ZNF541: variants seen among roughly 807,000 people sequenced by gnomAD.
The protein encoded by ZNF541 is zinc finger protein 541.
ZNF541 carries 23 observed loss-of-function variants against 123.5 expected under a neutral mutation model. The ratio of observed to expected loss-of-function variants is 0.19; its 90% CI spans 0.13 to 0.26. The LOEUF (loss-of-function observed/expected upper bound fraction) is 0.26, where lower values mean the gene tolerates loss of function less well. ZNF541 is among the 10% of genes least tolerant of loss of function. The pLI is 1.00. For synonymous variants in ZNF541, 751 were observed against 754.5 expected (o/e 1.00, Z 0.08); for missense variants, 1,612 against 1,789.9 (o/e 0.90, Z 1.79).
intron 2 of ZNF541, among the ~76,000 whole-genome samples, chr19:47,565,167 GA>G (rs1971215284): frequency 6.6e-6 from 1 of 151,784 alleles, no homozygotes; most frequent in Non-Finnish European, 1.5e-5. Context: ...GAAAGGGTGG[GA>G]GGGGATGAGG....
chr19:47,539,966 A>G (rs1480921129), intron 7 of ZNF541, 88 bp from the exon 8 acceptor site: 1 of 1,493,676 alleles, frequency 6.7e-7, no homozygotes, highest in African/African-American at 1.4e-5. Context: ...GCTGTCATAG[A>G]AAACAGCAGT....
In ZNF541 at chr19:47,539,748, A is replaced by T; in HGVS notation, c.2753T>A (p.Ile918Asn). ...GTGTCGGGTCACTGGAACCACGGGG[A>T]TCGATTGGGGGACCACCAAAGGGGC... ...AAAPLVVPQS[I>N]PVVPVTRHIG... Residue 918 changes from isoleucine (I) to asparagine (N), a missense_variant, in exon 8 of 17, where the codon ATC becomes AAC. Ile to Asn is a moderately radical substitution (Grantham distance 149, BLOSUM62 -3). Coordinates refer to ENST00000391901, the MANE Select transcript of ZNF541 (RefSeq NM_001277075.3). 1.4e-6 allele frequency: 2 copies of T among 1,457,802 alleles called. No individual in the cohort carries two copies. Among genetic ancestry groups the T allele is most frequent in the Non-Finnish European group, 1.8e-6 (2 of 1,110,778 alleles). The allele number at this position is 1,457,802 out of a possible 1,614,324, so 90.3% of individuals were successfully genotyped here. A position where few individuals can be genotyped will look rare whatever the true frequency, so the allele number is the denominator to read the frequency against.
intron 14 of ZNF541, among the ~76,000 whole-genome samples, chr19:47,524,465 G>T (rs1969190878): frequency 6.6e-6 from 1 of 152,158 alleles, no homozygotes. Flanking sequence ...CAGCACTTTG[G>T]GAGGCCGAGG....
chr19:47,535,586 AC>A (rs1969778105), intron 9 of ZNF541, among the ~76,000 whole-genome samples: 1 of 152,188 alleles, frequency 6.6e-6, no homozygotes, highest in Non-Finnish European at 1.5e-5. Flanking sequence ...ACCCAGCACT[AC>A]ACTCCTAGTT....
In ZNF541 at chr19:47,544,723, T is replaced by C. The variant is rs530077394; in HGVS notation, c.1806A>G (p.Pro602=). 2.8e-4 allele frequency: 416 copies of C among 1,502,036 alleles called. 5 individuals are homozygous for C. The South Asian group carries it at 4.7e-3, about 17-fold the overall frequency. 93.0% of individuals were successfully genotyped at this position (1,502,036 alleles called of 1,614,324 possible). A position where few individuals can be genotyped will look rare whatever the true frequency, so the allele number is the denominator to read the frequency against. Residue 602 remains proline (P), a synonymous_variant, in exon 5 of 17, where the codon CCA becomes CCG. Coordinates refer to ENST00000391901, the MANE Select transcript of ZNF541 (RefSeq NM_001277075.3). ...PLQGPWPQQP[P]PLAPAVDSLH... ...GAGAGTCCACAGCAGGAGCCAGTGG[T>C]GGGGGCTGCTGCGGCCACGGCCCCT...
chr19:47,552,229 G>C (rs181309102), intron 3 of ZNF541, among the ~76,000 whole-genome samples: 30 of 152,250 alleles, frequency 2.0e-4, no homozygotes, highest in African/African-American at 7.0e-4. Context: ...AATTCAATGG[G>C]CCAGGGCATG....
Position 47,532,989 on chromosome 19 carries a change from GA to G in ZNF541, c.3095-18del. On this transcript the variant is annotated intron_variant, in intron 9 of 16. Transcript: ENST00000391901. ...CCACTTGATCTAGAAAGCACAGAGT[GA>G]AAAGGCTCAAGAAGACAGACAGCAG... The G allele has an allele frequency of 6.5e-7, 1 of 1,545,306 alleles. No individual in the cohort carries two copies. The highest frequency in any genetic ancestry group is 1.2e-5 in the South Asian group (1 of 83,338).
chr19:47,535,439 T>C lies in ZNF541; in HGVS notation c.3095-2467A>G, dbSNP rs189728721. On this transcript the variant is annotated intron_variant, in intron 9 of 16. Transcript: ENST00000391901. ...ACTAGGATGGTTATACTTAAAAAGA[T>C]AGACAATAACAAGTGTTGACAAGAA... Among the ~76,000 whole-genome samples the C allele has an allele frequency of 7.0e-4, 107 of 152,336 alleles. 1 individual carries two copies. The highest frequency in any genetic ancestry group is 2.3e-3 in the African/African-American group (97 of 41,570).
In ZNF541 at chr19:47,539,647, G is replaced by A. The variant is rs151070862; in HGVS notation, c.2796+58C>T. 2,507 of 1,371,358 alleles carry A rather than the reference G, an allele frequency of 1.8e-3. 29 individuals are homozygous for A. The African/African-American group carries it at 0.024, about 13-fold the overall frequency. The allele number at this position is 1,371,358 out of a possible 1,614,324, so 84.9% of individuals were successfully genotyped here. Reference sequence around the variant, plus strand: ...GGTATCTGGTTTGGGTTTTTCCTACGGCTTCCCCCAGCAGCTGCGGGCAGT... The same window carrying A: ...GGTATCTGGTTTGGGTTTTTCCTACAGCTTCCCCCAGCAGCTGCGGGCAGT... On this transcript the variant is annotated intron_variant, in intron 8 of 16. Coordinates refer to ENST00000391901, the MANE Select transcript of ZNF541 (RefSeq NM_001277075.3).
intron 2 of ZNF541, among the ~76,000 whole-genome samples, chr19:47,563,814 C>T (rs1293231140): frequency 6.6e-6 from 1 of 152,070 alleles, no homozygotes; most frequent in African/African-American, 2.4e-5. Context: ...CCACGCTGGT[C>T]AGGCTGGTCT....
chr19:47,543,080 G>A (rs1970152655), intron 5 of ZNF541, among the ~76,000 whole-genome samples: 1 of 152,082 alleles, frequency 6.6e-6, no homozygotes, highest in South Asian at 2.1e-4. Context: ...TTCAAGACCA[G>A]GCTGGGCAAC....
chr19:47,542,770 A>C (rs902978260), intron 5 of ZNF541, among the ~76,000 whole-genome samples: 2 of 151,818 alleles, frequency 1.3e-5, no homozygotes, highest in African/African-American at 4.8e-5. Flanking sequence ...AGATGGTGAA[A>C]CCTCGTCTCT....
intron 3 of ZNF541, among the ~76,000 whole-genome samples, chr19:47,551,056 T>A (rs1449125238): frequency 6.7e-6 from 1 of 149,424 alleles, no homozygotes; most frequent in Non-Finnish European, 1.5e-5. Flanking sequence ...TTTTTTTAAT[T>A]TTTTTTTTTT....
At chr19:47,532,302 C>A (rs762743874) in intron 10 of ZNF541, 32 bp from the exon 11 acceptor site, 5 of 1,548,440 alleles carry the variant, frequency 3.2e-6, no homozygotes, top group Non-Finnish European at 4.4e-6. Context: ...ATAAGGGAGA[C>A]GTACAAACAT....
chr19:47,548,700 A>C (rs1008554820), intron 4 of ZNF541, among the ~76,000 whole-genome samples: 3 of 152,148 alleles, frequency 2.0e-5, no homozygotes, highest in African/African-American at 7.2e-5. Context: ...CTGCAAACAG[A>C]AGCAGGGGCT....
intron 2 of ZNF541, among the ~76,000 whole-genome samples, chr19:47,557,504 G>A (rs1360013373): frequency 1.3e-5 from 2 of 152,094 alleles, no homozygotes; most frequent in Non-Finnish European, 2.9e-5. Context: ...GTGGACTAAG[G>A]AAAAGTCAGC....
intron 2 of ZNF541, among the ~76,000 whole-genome samples, chr19:47,571,538 T>C (rs951028596): frequency 6.6e-6 from 1 of 152,246 alleles, no homozygotes; most frequent in African/African-American, 2.4e-5. Context: ...GCATTTCCAC[T>C]GCCTGGCATC....
chr19:47,536,166 C>A (rs1327650369), intron 9 of ZNF541, among the ~76,000 whole-genome samples: 1 of 152,202 alleles, frequency 6.6e-6, no homozygotes, highest in Non-Finnish European at 1.5e-5. Context: ...TGCCCTGGGT[C>A]GGCCAGGTGT....
intron 2 of ZNF541, among the ~76,000 whole-genome samples, chr19:47,568,377 C>G (rs1371144308): frequency 1.3e-5 from 2 of 152,114 alleles, no homozygotes; most frequent in Non-Finnish European, 2.9e-5. Context: ...CAGGGTCTTA[C>G]TCTGTCGCCC....
Sources: gnomAD v4.1 joint callset for allele counts (sites outside exome capture counted in the v4.1 genomes callset) on GRCh38, gnomAD v4.1.1 for gene constraint, MANE v1.5 for transcripts, NCBI Gene and HGNC (gene_info 2026-07-23, HGNC 2026-07-21) for gene names.